Variants in SIN3B observed in about 807,000 individuals in gnomAD.
The protein encoded by SIN3B is SIN3 transcription regulator family member B.
A neutral mutation model predicts 120.2 loss-of-function variants in SIN3B; 19 were observed. The observed-to-expected ratio is 0.16, with a 90% confidence interval of 0.11 to 0.23. The LOEUF (loss-of-function observed/expected upper bound fraction) is 0.23, where lower values mean the gene tolerates loss of function less well. SIN3B is among the 10% of genes least tolerant of loss of function. The pLI is 1.00. For missense variants in SIN3B, 1,073 were observed against 1,573.0 expected, an observed-to-expected ratio of 0.68 and a Z score of 5.38; for synonymous variants, 654 against 653.2, an observed-to-expected ratio of 1.00 and a Z score of -0.02.
chr19:16,835,555 T>C (rs1040258504), intron 3 of SIN3B, among the ~76,000 whole-genome samples: 2 of 149,784 alleles, frequency 1.3e-5, no homozygotes, highest in Non-Finnish European at 3.0e-5. Flanking sequence ...ACCATTTCAC[T>C]GTCACCCAGG....
chr19:16,842,161 C>T (rs952633219), intron 4 of SIN3B, among the ~76,000 whole-genome samples, 193 bp downstream of exon 4: 4 of 152,126 alleles, frequency 2.6e-5, no homozygotes, highest in African/African-American at 9.7e-5. Flanking sequence ...GGACTCGGCT[C>T]ATTGCAACCT....
intron 10 of SIN3B, 61 bp downstream of exon 10, chr19:16,863,857 A>G (rs1014162024): frequency 6.0e-6 from 7 of 1,165,498 alleles, no homozygotes; most frequent in African/African-American, 1.5e-5. Flanking sequence ...TCCATGGGAC[A>G]TGCATCCTGA....
chr19:16,833,133 C>T (rs952001374), intron 3 of SIN3B, among the ~76,000 whole-genome samples: 2 of 152,172 alleles, frequency 1.3e-5, no homozygotes, highest in African/African-American at 4.8e-5. Context: ...CTCTCCCAAC[C>T]TCCTCCAGTC....
intron 5 of SIN3B, 40 bp from the exon 6 acceptor site, chr19:16,851,372 C>T: frequency 6.5e-7 from 1 of 1,538,004 alleles, no homozygotes; most frequent in Non-Finnish European, 8.8e-7. Flanking sequence ...TGGGTCCAGC[C>T]ACGTCTCCGG....
intron 12 of SIN3B, among the ~76,000 whole-genome samples, chr19:16,869,041 C>A (rs1343357188): frequency 1.3e-5 from 2 of 152,100 alleles, no homozygotes; most frequent in Non-Finnish European, 2.9e-5. Flanking sequence ...AATCAGGCGC[C>A]ACCGTTGCTT....
chr19:16,844,705 C>T (rs543208002), intron 4 of SIN3B, among the ~76,000 whole-genome samples: 3 of 152,168 alleles, frequency 2.0e-5, no homozygotes, highest in Admixed American at 1.3e-4. Flanking sequence ...AGATAGGCAC[C>T]GACTCTAAAC....
At chr19:16,852,959 A>G (rs1971564595) in intron 6 of SIN3B, 110 bp from the exon 7 acceptor site, 1 of 811,114 alleles carries the variant, frequency 1.2e-6, no homozygotes, top group African/African-American at 1.7e-5. Context: ...ATCTCATGGC[A>G]GTTCCCAAAG....
intron 14 of SIN3B, among the ~76,000 whole-genome samples, chr19:16,873,438 G>A (rs1005492211): frequency 2.0e-5 from 3 of 152,032 alleles, no homozygotes; most frequent in African/African-American, 7.2e-5. Flanking sequence ...GCACGGGGCA[G>A]CCTGGAGAGA....
intron 3 of SIN3B, among the ~76,000 whole-genome samples, chr19:16,835,003 C>A (rs931119094): frequency 6.6e-6 from 1 of 151,360 alleles, no homozygotes. Context: ...CTCGACTCAC[C>A]GCATCCTCTG....
At chr19:16,836,229 AGTGTCTCCC>A (rs1971347344) in intron 3 of SIN3B, among the ~76,000 whole-genome samples, 1 of 152,150 alleles carries the variant, frequency 6.6e-6, no homozygotes, top group Non-Finnish European at 1.5e-5. Flanking sequence ...GATAACCTAA[AGTGTCTCCC>A]GTGTTGCCGA....
At chr19:16,836,843 G>A (rs1162710439) in intron 3 of SIN3B, among the ~76,000 whole-genome samples, 1 of 152,218 alleles carries the variant, frequency 6.6e-6, no homozygotes, top group African/African-American at 2.4e-5. Flanking sequence ...CCCCCTGGCT[G>A]TTCTCTGGGG....
At chr19:16,871,493 C>T (rs2051511164) in intron 14 of SIN3B, 95 bp downstream of exon 14, 1 of 1,168,650 alleles carries the variant, frequency 8.6e-7, no homozygotes. Context: ...GTGGTCAGCA[C>T]AGCAAACCTA....
In SIN3B at chr19:16,878,699, A is replaced by G; in HGVS notation, c.3365A>G (p.Gln1122Arg). The stretch of plus-strand genomic sequence containing the variant: ...CTGCCCGTGACCCGCTACCGCGTGC[A>G]GTACAGCCGCCGCCCGGCCTCGCCC... ...HGLPVTRYRV[Q>R]YSRRPASP Residue 1122 changes from glutamine (Q) to arginine (R), a missense_variant, in exon 19 of 19, where the codon CAG (glutamine) becomes CGG (arginine). Gln to Arg is a conservative substitution (Grantham distance 43). This residue lies in a region of SIN3B where 311 missense variants were observed against 400.3 expected (regional missense o/e 0.78). Coordinates refer to ENST00000248054, the MANE Select transcript of SIN3B (RefSeq NM_001297595.2). 1.9e-6 allele frequency: 3 copies of G among 1,609,638 alleles called. No individual in the cohort carries two copies. The highest frequency in any genetic ancestry group is 2.5e-6 in the Non-Finnish European group (3 of 1,178,912).
At chr19:16,853,890 G>A (rs1312382618) in intron 7 of SIN3B, among the ~76,000 whole-genome samples, 3 of 151,302 alleles carry the variant, frequency 2.0e-5, no homozygotes, top group East Asian at 2.0e-4. Context: ...CATGGATCAC[G>A]TGCCTGTGCT....
chr19:16,862,169 C>T lies in SIN3B; in HGVS notation c.1059-183C>T, dbSNP rs1265402794. 1.3e-5 allele frequency among the ~76,000 whole-genome samples: 2 copies of T among 152,202 alleles called. No individual in the cohort carries two copies. Among genetic ancestry groups the T allele is most frequent in the Non-Finnish European group, 2.9e-5 (2 of 68,042 alleles). On this transcript the variant is annotated intron_variant, in intron 8 of 18. Coordinates refer to ENST00000248054, the MANE Select transcript of SIN3B (RefSeq NM_001297595.2). The surrounding 1 kb of genome is among the most constrained non-coding windows in gnomAD (Gnocchi z 4.7). ...GATGGGTGGGAGGCCCATTCATTCA[C>T]ACACCCCGGGACTTGCAGTGACTTC...
intron 3 of SIN3B, among the ~76,000 whole-genome samples, chr19:16,840,144 T>TC (rs148883078): frequency 6.6e-6 from 1 of 152,010 alleles, no homozygotes; most frequent in Non-Finnish European, 1.5e-5. Flanking sequence ...AATTGTGTCA[T>TC]CCCCCCACCC....
At chr19:16,834,017 AC>A (rs1382455699) in intron 3 of SIN3B, among the ~76,000 whole-genome samples, 1 of 151,924 alleles carries the variant, frequency 6.6e-6, no homozygotes, top group Non-Finnish European at 1.5e-5. Context: ...GAGCCACCGC[AC>A]CCAGCTGAAT....
At chr19:16,868,678 CAG>C (rs146181632) in intron 12 of SIN3B, among the ~76,000 whole-genome samples, 36 of 152,288 alleles carry the variant, frequency 2.4e-4, no homozygotes, top group African/African-American at 8.7e-4. Flanking sequence ...AGGGGCACAT[CAG>C]GGGCCGGCGT....
At chr19:16,865,308 C>CCG in intron 10 of SIN3B, 102 bp from the exon 11 acceptor site, 1 of 536,240 alleles carries the variant, frequency 1.9e-6, no homozygotes, top group Non-Finnish European at 3.4e-6. Context: ...ATACACACAC[C>CCG]CCCCCCCCAA....
Sources: gnomAD v4.1 joint callset for allele counts (sites outside exome capture counted in the v4.1 genomes callset) on GRCh38, gnomAD v4.1.1 for gene constraint, gnomAD v4.1.1 regional missense constraint, Gnocchi (gnomAD v3.1) non-coding constraint, MANE v1.5 for transcripts, NCBI Gene and HGNC (gene_info 2026-07-23, HGNC 2026-07-21) for gene names.